NARS1: variants seen among roughly 807,000 people sequenced by gnomAD.
The protein encoded by NARS1 is asparaginyl-tRNA synthetase 1.
In NARS1, 65 loss-of-function variants were observed where a neutral mutation model predicts 79.2. That is an observed-to-expected ratio of 0.82 (90% CI 0.67 to 1.01). The LOEUF is 1.01. Among genes scored for constraint, NARS1 ranks in the 50% least tolerant of loss-of-function variants. The pLI is 0.00. For missense variants in NARS1, 649 were observed against 673.8 expected, an observed-to-expected ratio of 0.96 and a Z score of 0.41; for synonymous variants, 229 against 238.8, an observed-to-expected ratio of 0.96 and a Z score of 0.38.
chr18:57,616,725 G>A (rs921553432), intron 2 of NARS1, among the ~76,000 whole-genome samples: 17 of 152,064 alleles, frequency 1.1e-4, no homozygotes, highest in South Asian at 4.1e-4. Flanking sequence ...AAAAGCGGCC[G>A]GGTGCAGTGG....
chr18:57,609,561 AGAGT>A (rs2051588437), intron 6 of NARS1, 118 bp from the exon 7 acceptor site: 3 of 710,622 alleles, frequency 4.2e-6, no homozygotes, highest in African/African-American at 1.8e-5. Flanking sequence ...AGTAAAATAA[AGAGT>A]GAGATGGCCA....
At chr18:57,605,134 A>AATATATATATATAT (rs1555683460) in intron 11 of NARS1, among the ~76,000 whole-genome samples, 9 of 135,234 alleles carry the variant, frequency 6.7e-5, no homozygotes, top group African/African-American at 2.6e-4. Flanking sequence ...AAAAAAAAAA[A>AATATATATATATAT]ATATATATAT....
At chr18:57,607,086 C>G in intron 9 of NARS1, 48 bp downstream of exon 9, 1 of 1,515,658 alleles carries the variant, frequency 6.6e-7, no homozygotes, top group Non-Finnish European at 9.0e-7. Flanking sequence ...GATTTCTTCT[C>G]TAAAGATATT....
rs2122442267 is a variant in NARS1, at chr18:57,611,658, C to T, written c.471G>A (p.Gln157=). 2 of 1,595,786 alleles carry T rather than the reference C, an allele frequency of 1.3e-6. No individual in the cohort carries two copies. The highest frequency in any genetic ancestry group is 4.5e-5 in the East Asian group (2 of 44,288). Residue 157 remains glutamine (Q), a synonymous_variant, in exon 6 of 14, where the codon CAG becomes CAA. Coordinates refer to ENST00000256854, the MANE Select transcript of NARS1 (RefSeq NM_004539.4). ...TTACCAACTCATCCGCCAAGACACACTGAAGATAACCTGTACCATCTCGCA... is the reference window on the plus strand; with the variant it reads ...TTACCAACTCATCCGCCAAGACACATTGAAGATAACCTGTACCATCTCGCA... ...LVLRDGTGYL[Q]CVLADELCQC...
intron 4 of NARS1, among the ~76,000 whole-genome samples, 161 bp downstream of exon 4, chr18:57,615,480 C>A (rs918246330): frequency 6.6e-6 from 1 of 151,770 alleles, no homozygotes; most frequent in Non-Finnish European, 1.5e-5. Context: ...CCAGCCTGGG[C>A]GACAGAGCAA....
intron 11 of NARS1, among the ~76,000 whole-genome samples, chr18:57,605,610 C>CA (rs11285116): frequency 0.23 from 24,831 of 109,382 alleles, 2,980 homozygotes; most frequent in African/African-American, 0.38. Context: ...GACTCCGTCT[C>CA]AAAAAAAAAA....
rs1568166199 is a variant in NARS1, at chr18:57,615,726, T to C, written c.257A>G (p.Glu86Gly). 3.1e-6 allele frequency: 5 copies of C among 1,612,052 alleles called. No individual in the cohort carries two copies. The highest frequency in any genetic ancestry group is 4.2e-6 in the Non-Finnish European group (5 of 1,179,156). The change falls in exon 4 of 14, where the codon GAA (glutamate) becomes GGA (glycine). Residue 86 changes from glutamate (E) to glycine (G), a missense_variant. Glu to Gly is a moderately conservative substitution (Grantham distance 98). Transcript: ENST00000256854. ...GTTCTTTTCTCTTCGTAAACTATCT[T>C]CTGCCTAATTTTAATGATGAAGCAG... Reference protein sequence around the residue: ...KSESREKKEAEDSLRREKNLE... With the variant: ...KSESREKKEAGDSLRREKNLE...
intron 7 of NARS1, 82 bp from the exon 8 acceptor site, chr18:57,607,747 CAA>C: frequency 8.3e-7 from 1 of 1,209,736 alleles, no homozygotes; most frequent in Non-Finnish European, 1.1e-6. Flanking sequence ...TAATTTATGT[CAA>C]AGTTTTGGTA....
chr18:57,607,293 C>A lies in NARS1; in HGVS notation c.842G>T (p.Gly281Val). The change falls in exon 9 of 14, where the codon GGT (glycine) becomes GTT (valine). Residue 281 changes from glycine (G) to valine (V), a missense_variant. Coordinates refer to ENST00000256854, the MANE Select transcript of NARS1 (RefSeq NM_004539.4). The part of the protein sequence containing the change: ...PTLVQTQVEG[G>V]ATLFKLDYFG... ...ATAGTCAAGCTTGAAGAGTGTGGCA[C>A]CACCTTCTACTTGTGTTTGCACTAA... is the stretch of plus-strand genomic sequence containing the variant. The A allele has an allele frequency of 6.2e-7, 1 of 1,614,108 alleles. No homozygotes were observed. The highest frequency in any genetic ancestry group is 8.5e-7 in the Non-Finnish European group (1 of 1,180,018).
chr18:57,606,363 T>G (rs201969366), intron 10 of NARS1, among the ~76,000 whole-genome samples: 1 of 142,968 alleles, frequency 7.0e-6, no homozygotes, highest in African/African-American at 2.5e-5. Context: ...AATATATATA[T>G]ATATATATAT....
intron 2 of NARS1, among the ~76,000 whole-genome samples, chr18:57,618,996 A>C (rs1295815374): frequency 6.6e-6 from 1 of 152,174 alleles, no homozygotes; most frequent in Non-Finnish European, 1.5e-5. Flanking sequence ...AGAGAGGAGA[A>C]TGCTCCCAGA....
intron 11 of NARS1, among the ~76,000 whole-genome samples, chr18:57,603,947 C>CTATACTACACTAT (rs1192014393): frequency 6.6e-6 from 1 of 152,224 alleles, no homozygotes; most frequent in Non-Finnish European, 1.5e-5. Context: ...GTGTGTGGAA[C>CTATACTACACTAT]AGTAGCAATG....
At chr18:57,612,839 A>G (rs981166359) in intron 5 of NARS1, among the ~76,000 whole-genome samples, 4 of 152,184 alleles carry the variant, frequency 2.6e-5, no homozygotes, top group African/African-American at 9.6e-5. Flanking sequence ...AAGAGGAAAC[A>G]AAATGTCAGA....
rs1420742301 is a variant in NARS1 at position 57,607,023 on chromosome 18, TTAATA to T, written c.1001+106_1001+110del. ...TGTTATATGTTCTTCCATTAACCACTTAATATATCAGTTGGTTTTTTTTAAAACAT... is the reference window on the plus strand; with the variant it reads ...TGTTATATGTTCTTCCATTAACCACTTATCAGTTGGTTTTTTTTAAAACAT... On this transcript the variant is annotated intron_variant, in intron 9 of 13. Transcript: ENST00000256854. 5.0e-5 allele frequency: 60 copies of T among 1,190,140 alleles called. 3 individuals are homozygous for T. In the South Asian group the frequency reaches 7.9e-4, roughly 16 times the overall value. 73.7% of individuals were successfully genotyped at this position (1,190,140 alleles called of 1,614,324 possible).
Position 57,615,930 on chromosome 18 carries a change from C to A in NARS1, c.139G>T (p.Asp47Tyr). 2 of 1,613,006 alleles carry A rather than the reference C, an allele frequency of 1.2e-6. No individual in the cohort carries two copies. The highest frequency in any genetic ancestry group is 1.7e-6 in the Non-Finnish European group (2 of 1,179,646). Residue 47 changes from aspartate (D) to tyrosine (Y), a missense_variant, in exon 3 of 14, where the codon GAT becomes TAT. By Grantham distance (160) the Asp-to-Tyr change is radical. Transcript: ENST00000256854. ...CACCTCTCATTTTCTTTTTGTGAATCTACGTAAATGGTAGGAAATGGTTCT... is the reference window on the plus strand; with the variant it reads ...CACCTCTCATTTTCTTTTTGTGAATATACGTAAATGGTAGGAAATGGTTCT... ...GKEPFPTIYV[D>Y]SQKENERWNV...
chr18:57,607,002 A>G, intron 9 of NARS1, 132 bp downstream of exon 9: 1 of 1,067,488 alleles, frequency 9.4e-7, no homozygotes, highest in Non-Finnish European at 1.3e-6. Flanking sequence ...AAACTTTGTT[A>G]TATGTTCTTC....
chr18:57,615,789 C>T lies in NARS1; in HGVS notation c.252+28G>A, dbSNP rs201855135. ...GTTGCCAGAGTTCTAACTTTAACAA[C>T]GTTCACGATGGCAAGGTCAGGACTC... On this transcript the variant is annotated intron_variant, in intron 3 of 13. Coordinates refer to ENST00000256854, the MANE Select transcript of NARS1 (RefSeq NM_004539.4). The T allele has an allele frequency of 1.0e-4, 163 of 1,610,368 alleles. No homozygotes were observed. The Admixed American group carries it at 2.2e-3, about 21-fold the overall frequency.
chr18:57,612,385 T>C (rs901683421), intron 5 of NARS1, among the ~76,000 whole-genome samples: 1 of 152,184 alleles, frequency 6.6e-6, no homozygotes, highest in Non-Finnish European at 1.5e-5. Flanking sequence ...GTCCTAAAGG[T>C]CCAATTACTG....
intron 6 of NARS1, among the ~76,000 whole-genome samples, chr18:57,610,965 C>CTT (rs773482503): frequency 0.025 from 3,153 of 126,144 alleles, 64 homozygotes; most frequent in Middle Eastern, 0.038. Flanking sequence ...TGACTATTAT[C>CTT]TTTTTTTTTT....
Sources: allele counts gnomAD v4.1 joint callset (sites outside exome capture counted in the v4.1 genomes callset), GRCh38; gene constraint gnomAD v4.1.1; transcripts MANE v1.5; gene names NCBI Gene and HGNC (gene_info 2026-07-23, HGNC 2026-07-21).